The following ODR4 variants were observed in gnomAD, a reference collection of about 807,000 sequenced individuals.
ODR4 encodes the protein odr-4 GPCR localization factor homolog.
ODR4 carries 47 observed loss-of-function variants against 60.2 expected under a neutral mutation model. That is an observed-to-expected ratio of 0.78 (90% confidence interval 0.62 to 1.00). ODR4 has a LOEUF of 1.00. ODR4 is among the 50% of genes least tolerant of loss of function. ODR4 has a pLI of 0.00. For missense variants in ODR4, 488 were observed against 530.8 expected (o/e 0.92, Z 0.79); for synonymous variants, 178 against 175.5 (o/e 1.01, Z -0.11).
At chr1:186,398,521 T>C in intron 10 of ODR4, 80 bp downstream of exon 10, 2 of 1,337,686 alleles carry the variant, frequency 1.5e-6, no homozygotes, top group East Asian at 2.8e-5. Context: ...TTTAATCTTA[T>C]ATTTTGTAAT....
rs1203177198 is a variant in ODR4, at chr1:186,383,374, A to ACC, written c.234+219_234+220insCC. Among the ~76,000 whole-genome samples, 3 of 152,316 alleles carry ACC rather than the reference A, an allele frequency of 2.0e-5. No homozygotes were observed. In the East Asian group the frequency reaches 5.8e-4, roughly 29 times the overall value. ...GTGGGAATAATGACTAAATTAATTCACTTACAAGTATTTATTGAATGAATT... is the reference window on the plus strand; with the variant it reads ...GTGGGAATAATGACTAAATTAATTCACCCTTACAAGTATTTATTGAATGAATT... On this transcript the variant is annotated intron_variant, in intron 3 of 13. Coordinates refer to ENST00000287859, the MANE Select transcript of ODR4 (RefSeq NM_017847.6).
At chr1:186,410,401 T>C (rs944860252) in intron 12 of ODR4, among the ~76,000 whole-genome samples, 3 of 152,234 alleles carry the variant, frequency 2.0e-5, no homozygotes, top group Non-Finnish European at 2.9e-5. Context: ...AATTTTAATC[T>C]AGTTTACAGC....
chr1:186,403,730 C>T (rs1405253294), intron 11 of ODR4, among the ~76,000 whole-genome samples: 2 of 151,376 alleles, frequency 1.3e-5, no homozygotes, highest in Non-Finnish European at 2.9e-5. Flanking sequence ...TTTGATTCCT[C>T]TTAAGATACA....
At chr1:186,383,678 G>T (rs1016821483) in intron 3 of ODR4, among the ~76,000 whole-genome samples, 56 of 140,746 alleles carry the variant, frequency 4.0e-4, no homozygotes, top group African/African-American at 1.2e-3. Flanking sequence ...TGTGTATGTA[G>T]ATATATATAT....
intron 9 of ODR4, among the ~76,000 whole-genome samples, chr1:186,396,652 T>G (rs973900806): frequency 4.0e-5 from 6 of 151,430 alleles, no homozygotes; most frequent in Non-Finnish European, 5.9e-5. Flanking sequence ...AAAAAATACC[T>G]CTTTTCTTTA....
chr1:186,426,861 T>G, the ODR4 span, among the ~76,000 whole-genome samples: 1 of 152,196 alleles, frequency 6.6e-6, no homozygotes, highest in Non-Finnish European at 1.5e-5. Flanking sequence ...CACAATTTTT[T>G]TTTGTTTTCC....
chr1:186,406,415 A>G (rs902869853), intron 12 of ODR4, 147 bp downstream of exon 12: 10 of 527,366 alleles, frequency 1.9e-5, no homozygotes, highest in Non-Finnish European at 3.2e-5. Flanking sequence ...ACATTTTAAA[A>G]TACATGTTTA....
chr1:186,398,503 TA>T, intron 10 of ODR4, 62 bp downstream of exon 10: 1 of 1,452,352 alleles, frequency 6.9e-7, no homozygotes, highest in Non-Finnish European at 9.2e-7. Flanking sequence ...CCTAAAATTT[TA>T]CCATTTTTTA....
the ODR4 span, among the ~76,000 whole-genome samples, chr1:186,430,265 C>T: frequency 1.4e-4 from 22 of 152,040 alleles, no homozygotes; most frequent in East Asian, 4.2e-3. Flanking sequence ...ATTTACTTAA[C>T]ACCATTAAAT....
At chr1:186,379,126 T>G (rs139599720) in intron 1 of ODR4, among the ~76,000 whole-genome samples, 4 of 152,088 alleles carry the variant, frequency 2.6e-5, no homozygotes, top group African/African-American at 9.7e-5. Flanking sequence ...ATAATACAAC[T>G]AGGGAGTAGA....
intron 8 of ODR4, 23 bp from the exon 9 acceptor site, chr1:186,393,924 T>G: frequency 7.2e-7 from 1 of 1,389,346 alleles, no homozygotes; most frequent in Non-Finnish European, 1.0e-6. Flanking sequence ...CAGTTTGGCT[T>G]TTTAACTTTT....
At position 186,389,538 on chromosome 1, in the gene ODR4, T is replaced by C. The variant is rs771464049; in HGVS notation, c.438-50T>C. ...TATTTTTTGATAGTTTATATTCTTT[T>C]AGTTACCAATAATGCCTTTTTTGGT... On this transcript the variant is annotated intron_variant, in intron 5 of 13. Coordinates refer to ENST00000287859, the MANE Select transcript of ODR4 (RefSeq NM_017847.6). 3.7e-6 allele frequency: 5 copies of C among 1,358,822 alleles called. No homozygotes were observed. In the South Asian group the frequency reaches 3.8e-5, roughly 10 times the overall value. The allele number at this position is 1,358,822 out of a possible 1,614,324, so 84.2% of individuals were successfully genotyped here.
At chr1:186,394,165 G>C in intron 9 of ODR4, 150 bp downstream of exon 9, 1 of 552,492 alleles carries the variant, frequency 1.8e-6, no homozygotes, top group East Asian at 3.1e-5. Context: ...TTATTCCCAA[G>C]AAACATCATT....
At chr1:186,387,048 G>A (rs1267378115) in intron 4 of ODR4, among the ~76,000 whole-genome samples, 1 of 152,072 alleles carries the variant, frequency 6.6e-6, no homozygotes, top group Non-Finnish European at 1.5e-5. Flanking sequence ...CAAAAGAGGG[G>A]GAACCTTAAA....
intron 11 of ODR4, 22 bp from the exon 12 acceptor site, chr1:186,406,061 A>T: frequency 6.8e-7 from 1 of 1,474,194 alleles, no homozygotes; most frequent in Non-Finnish European, 9.1e-7. Flanking sequence ...CTAAATATTG[A>T]TAATATTTCT....
At chr1:186,431,482 A>C in the ODR4 span, among the ~76,000 whole-genome samples, 1 of 152,206 alleles carries the variant, frequency 6.6e-6, no homozygotes, top group Admixed American at 6.5e-5. Flanking sequence ...AAATTAAAAA[A>C]GGTCATAGAA....
the ODR4 span, among the ~76,000 whole-genome samples, chr1:186,434,436 C>G: frequency 6.6e-6 from 1 of 152,082 alleles, no homozygotes; most frequent in Non-Finnish European, 1.5e-5. Flanking sequence ...ATGATTGCCT[C>G]TTTAAATTCT....
downstream of ODR4, chr1:186,421,378 A>G (rs970765974): frequency 6.6e-6 from 1 of 152,214 alleles, no homozygotes; most frequent in Non-Finnish European, 1.5e-5. Flanking sequence ...AACATTAATA[A>G]TGTGGAATTT....
At chr1:186,389,145 CT>C (rs35036799) in intron 5 of ODR4, among the ~76,000 whole-genome samples, 21,317 of 143,442 alleles carry the variant, frequency 0.15, 1,522 homozygotes, top group Non-Finnish European at 0.17. Flanking sequence ...AGAAGCAGGG[CT>C]TTTTTTTTTT....
Sources: gnomAD v4.1 joint callset for allele counts (sites outside exome capture counted in the v4.1 genomes callset) on GRCh38, gnomAD v4.1.1 for gene constraint, MANE v1.5 for transcripts, NCBI Gene and HGNC (gene_info 2026-07-23, HGNC 2026-07-21) for gene names.